RHOBTB1: variants seen among roughly 807,000 people sequenced by gnomAD.
RHOBTB1 encodes the protein rho-related BTB domain-containing protein 1.
A neutral mutation model predicts 71.6 loss-of-function variants in RHOBTB1; 40 were observed. The observed-to-expected ratio is 0.56, with a 90% CI of 0.43 to 0.73. The LOEUF (loss-of-function observed/expected upper bound fraction) is 0.73. Among genes scored for constraint, RHOBTB1 ranks in the 30% least tolerant of loss-of-function variants. RHOBTB1 has a pLI of 0.00. For synonymous variants in RHOBTB1, 319 were observed against 334.9 expected, an observed-to-expected ratio of 0.95 and a Z score of 0.52; for missense variants, 797 against 894.0, an observed-to-expected ratio of 0.89 and a Z score of 1.38.
chr10:60,910,873 T>A lies in RHOBTB1; in HGVS notation c.296+14A>T, dbSNP rs1210793707. 4.4e-6 allele frequency: 7 copies of A among 1,585,730 alleles called. No individual in the cohort carries two copies. The highest frequency in any genetic ancestry group is 1.3e-5 in the African/African-American group (1 of 74,322). On this transcript the variant is annotated intron_variant, in intron 4 of 10. Coordinates refer to ENST00000337910, the MANE Select transcript of RHOBTB1 (RefSeq NM_014836.5). ...GCATTCAAGCTCAACCACGCTGTAC[T>A]AGTCTTGGTTTACCTGCCATATGCA...
chr10:60,979,712 A>T (rs935855658), intron 2 of RHOBTB1, among the ~76,000 whole-genome samples: 2 of 152,222 alleles, frequency 1.3e-5, no homozygotes, highest in African/African-American at 4.8e-5. Flanking sequence ...TACATCATTT[A>T]TCAGAAGTTG....
chr10:60,937,016 A>G (rs565815746), intron 2 of RHOBTB1, among the ~76,000 whole-genome samples: 1 of 152,328 alleles, frequency 6.6e-6, no homozygotes, highest in East Asian at 1.9e-4. Context: ...TTGCACCACC[A>G]GGATAATATA....
At chr10:60,999,624 G>A (rs147968799) in intron 1 of RHOBTB1, among the ~76,000 whole-genome samples, 22 of 152,274 alleles carry the variant, frequency 1.4e-4, no homozygotes, top group African/African-American at 5.3e-4. Context: ...ATCCAAGTAG[G>A]TATACAGATT....
intron 7 of RHOBTB1, among the ~76,000 whole-genome samples, chr10:60,880,210 A>T (rs879758629): frequency 0.25 from 31,430 of 123,406 alleles, 3,754 homozygotes; most frequent in African/African-American, 0.35. Flanking sequence ...TGTGAGAGAG[A>T]GAGAGAGAGA....
intron 2 of RHOBTB1, among the ~76,000 whole-genome samples, chr10:60,922,309 C>G (rs190339102): frequency 6.6e-6 from 1 of 152,182 alleles, no homozygotes; most frequent in Non-Finnish European, 1.5e-5. Context: ...AAGAGCCACA[C>G]CACAAAATGC....
At chr10:60,965,199 A>G (rs1038412216) in intron 2 of RHOBTB1, among the ~76,000 whole-genome samples, 2 of 152,062 alleles carry the variant, frequency 1.3e-5, no homozygotes, top group Admixed American at 6.6e-5. Context: ...TTTGCCATGT[A>G]TTAAATTTAA....
At chr10:60,945,748 C>T (rs1326281296), upstream of RHOBTB1, among the ~76,000 whole-genome samples, 1 of 152,112 alleles carries the variant, frequency 6.6e-6, no homozygotes, top group Non-Finnish European at 1.5e-5. Context: ...TTAAGCCATT[C>T]CCACGGCAGT....
At chr10:60,893,587 A>C (rs756421802) in intron 4 of RHOBTB1, among the ~76,000 whole-genome samples, 1 of 152,174 alleles carries the variant, frequency 6.6e-6, no homozygotes. Context: ...AGGAATTTTG[A>C]CTCTTTACTA....
intron 7 of RHOBTB1, among the ~76,000 whole-genome samples, chr10:60,880,202 TGAGAGAGAGAGA>T (rs71018931): frequency 1.3e-3 from 159 of 126,908 alleles, no homozygotes; most frequent in South Asian, 2.2e-3. Flanking sequence ...TGTGTGTGTG[TGAGAGAGAGAGA>T]GAGAGAGAGA....
chr10:60,948,605 GA>G (rs1027435371), upstream of RHOBTB1, among the ~76,000 whole-genome samples: 1 of 152,236 alleles, frequency 6.6e-6, no homozygotes, highest in African/African-American at 2.4e-5. Context: ...CTATTTAGGA[GA>G]AATTATCCTG....
At chr10:60,966,844 C>T (rs539439280) in intron 2 of RHOBTB1, among the ~76,000 whole-genome samples, 620 of 149,086 alleles carry the variant, frequency 4.2e-3, no homozygotes, top group Non-Finnish European at 7.0e-3. Context: ...CCCCTCCCCC[C>T]ACCCCACAAC....
intron 4 of RHOBTB1, among the ~76,000 whole-genome samples, chr10:60,900,556 G>C (rs1467002262): frequency 6.6e-6 from 1 of 152,148 alleles, no homozygotes; most frequent in Non-Finnish European, 1.5e-5. Context: ...CATTTTCAGG[G>C]ATTTTGTCCT....
At chr10:60,909,106 G>A (rs2082835481) in intron 4 of RHOBTB1, among the ~76,000 whole-genome samples, 1 of 152,212 alleles carries the variant, frequency 6.6e-6, no homozygotes, top group South Asian at 2.1e-4. Context: ...GGTATGGCAT[G>A]TTGTATTGTA....
chr10:60,863,632 A>G, the RHOBTB1 span, among the ~76,000 whole-genome samples: 1 of 152,020 alleles, frequency 6.6e-6, no homozygotes, highest in Non-Finnish European at 1.5e-5. Context: ...TCCCAGGTTC[A>G]AGTGATTCTC....
Position 60,871,447 on chromosome 10 carries a change from T to G in RHOBTB1, c.*35A>C. ...GAAAAGTGGTGGATCAGATTACCGA[T>G]TGGTTTCTGTTTTTTGTTTTTTTTC... On this transcript the variant is annotated 3_prime_UTR_variant, in exon 11 of 11. Transcript: ENST00000337910. The G allele has an allele frequency of 6.3e-7, 1 of 1,598,902 alleles. No individual in the cohort carries two copies. The highest frequency in any genetic ancestry group is 8.5e-7 in the Non-Finnish European group (1 of 1,170,310).
At chr10:60,918,185 A>C (rs2083369258) in intron 2 of RHOBTB1, among the ~76,000 whole-genome samples, 1 of 152,130 alleles carries the variant, frequency 6.6e-6, no homozygotes, top group African/African-American at 2.4e-5. Context: ...GCCTTTCTTG[A>C]CTACCCCTCT....
upstream of RHOBTB1, among the ~76,000 whole-genome samples, chr10:60,949,175 T>C (rs1316011293): frequency 6.6e-6 from 1 of 152,198 alleles, no homozygotes; most frequent in African/African-American, 2.4e-5. Flanking sequence ...GTTCAGTCAC[T>C]CAAGTATTCC....
intron 2 of RHOBTB1, among the ~76,000 whole-genome samples, chr10:60,964,739 G>T (rs1176132347): frequency 6.6e-6 from 1 of 152,028 alleles, no homozygotes; most frequent in East Asian, 1.9e-4. Context: ...AAGTTAGTTT[G>T]TATAGAGAAA....
chr10:60,911,048 A>C, intron 3 of RHOBTB1, 58 bp from the exon 4 acceptor site: 1 of 1,370,622 alleles, frequency 7.3e-7, no homozygotes, highest in Non-Finnish European at 1.0e-6. Flanking sequence ...CCCCAGGAGA[A>C]GCGTGTTCAA....
Sources: allele counts gnomAD v4.1 joint callset (sites outside exome capture counted in the v4.1 genomes callset), GRCh38; gene constraint gnomAD v4.1.1; transcripts MANE v1.5; gene names NCBI Gene and HGNC (gene_info 2026-07-23, HGNC 2026-07-21).